Variants in CCDC57 observed in about 807,000 individuals in gnomAD.
The protein encoded by CCDC57 is coiled-coil domain containing 57.
In CCDC57, 118 loss-of-function variants were observed where a neutral mutation model predicts 118.9. That is an observed-to-expected ratio of 0.99 (90% CI 0.86 to 1.16). The LOEUF (loss-of-function observed/expected upper bound fraction) is 1.16. CCDC57 is among the 50% of genes most tolerant of loss of function. CCDC57 has a pLI of 0.00. For synonymous variants in CCDC57, 527 were observed against 532.9 expected, an observed-to-expected ratio of 0.99 and a Z score of 0.15; for missense variants, 1,300 against 1,320.7, an observed-to-expected ratio of 0.98 and a Z score of 0.24.
At chr17:82,163,345 T>C (rs2043581099) in exon 14 of CCDC57, 1 of 1,613,840 alleles carries the variant, frequency 6.2e-7, no homozygotes, top group African/African-American at 1.3e-5. Flanking sequence ...TTGACCAGCT[T>C]GGGCAGACCC....
chr17:82,113,569 C>A (rs1312269749), intron 19 of CCDC57: 4 of 717,572 alleles, frequency 5.6e-6, no homozygotes, highest in Non-Finnish European at 1.0e-5. Context: ...CATTCATTCC[C>A]CCTCGCATTC....
intron 13 of CCDC57, 102 bp from the exon 13 acceptor site, chr17:82,163,459 A>G: frequency 1.4e-6 from 2 of 1,423,246 alleles, no homozygotes; most frequent in Non-Finnish European, 1.9e-6. Flanking sequence ...CCGTGAGGCC[A>G]TGGCACCAGC....
At position 82,183,499 on chromosome 17, in the gene CCDC57, G is replaced by A. The variant is rs551577319; in HGVS notation, c.1211+275C>T. Among the ~76,000 whole-genome samples the A allele has an allele frequency of 3.3e-5, 5 of 152,186 alleles. No homozygotes were observed. In the South Asian group the frequency reaches 1.0e-3, roughly 32 times the overall value. ...CACGCTTGGCAAGAGGAGATTCTTAGTGCAGAATCAAGCAGGAGCACCTTT... is the reference window on the plus strand; with the variant it reads ...CACGCTTGGCAAGAGGAGATTCTTAATGCAGAATCAAGCAGGAGCACCTTT... On this transcript the variant is annotated intron_variant, in intron 9 of 19. Transcript: ENST00000665763.
intron 19 of CCDC57, chr17:82,107,390 G>C (rs1568133329): frequency 2.1e-6 from 1 of 466,512 alleles, no homozygotes; most frequent in South Asian, 1.6e-5. Flanking sequence ...GTGGGGAGTG[G>C]CTGCCTCGAA....
chr17:82,187,754 G>A (rs1278166656), intron 8 of CCDC57, among the ~76,000 whole-genome samples: 1 of 105,302 alleles, frequency 9.5e-6, no homozygotes, highest in Non-Finnish European at 2.0e-5. Flanking sequence ...CGGGGGTTGC[G>A]GGGGGAGCTG....
intron 17 of CCDC57, among the ~76,000 whole-genome samples, chr17:82,131,782 T>C (rs1451117809): frequency 6.6e-6 from 1 of 150,396 alleles, no homozygotes; most frequent in Non-Finnish European, 1.5e-5. Context: ...TAAAAAGAAA[T>C]AAAAAAGGAA....
chr17:82,145,423 T>C (rs961929423), intron 16 of CCDC57, among the ~76,000 whole-genome samples: 20 of 151,916 alleles, frequency 1.3e-4, no homozygotes, highest in East Asian at 2.0e-4. Flanking sequence ...GGCGGGCGCC[T>C]GTAATACCAG....
chr17:82,191,307 T>C (rs567404653), intron 7 of CCDC57, among the ~76,000 whole-genome samples: 3 of 151,916 alleles, frequency 2.0e-5, no homozygotes, highest in Non-Finnish European at 2.9e-5. Flanking sequence ...GAAAAGAAAC[T>C]GGCATCAGAC....
chr17:82,192,788 C>A lies in CCDC57; in HGVS notation c.851+968G>T, dbSNP rs1012803173. 6.6e-6 allele frequency among the ~76,000 whole-genome samples: 1 copy of A among 152,256 alleles called. No individual in the cohort carries two copies. Among genetic ancestry groups the A allele is most frequent in the East Asian group, 1.9e-4 (1 of 5,208 alleles). ...CCACTGCAGATCTGATTAGAAACAG[C>A]ACAGACAGTGTCCTTGAAGTTCTTC... On this transcript the variant is annotated intron_variant, in intron 7 of 19. Transcript: ENST00000665763. This position sits in a 1 kb window ranked among gnomAD's most constrained non-coding sequence, Gnocchi z 4.0.
chr17:82,101,622 G>A (rs1568124997), exon 20 of CCDC57: 2 of 1,378,478 alleles, frequency 1.5e-6, no homozygotes, highest in East Asian at 2.3e-5. Context: ...GTAGGTGAAA[G>A]CACAGGCACC....
exon 4 of CCDC57, chr17:82,198,351 A>G: frequency 6.2e-7 from 1 of 1,613,618 alleles, no homozygotes. Flanking sequence ...GAGCTCCTCA[A>G]GTTTTCTCTC....
chr17:82,161,288 C>T (rs994734639), intron 14 of CCDC57, among the ~76,000 whole-genome samples: 6 of 152,086 alleles, frequency 3.9e-5, no homozygotes, highest in East Asian at 3.9e-4. Flanking sequence ...GAAAACAGTG[C>T]GGTGGCTCCT....
At position 82,173,239 on chromosome 17, in the gene CCDC57, G is replaced by A. The variant is rs140100837; in HGVS notation, c.1507-379C>T. ...GATGGCTGCACCTCCGTGTGAATGC[G>A]CTTCATGCTGCTGAACTGTGTGCAC... On this transcript the variant is annotated intron_variant, in intron 11 of 19. Coordinates refer to ENST00000665763, the Ensembl canonical transcript of CCDC57. Among the ~76,000 whole-genome samples, 426 of 152,200 alleles carry A rather than the reference G, an allele frequency of 2.8e-3. 2 individuals carry two copies. Among genetic ancestry groups the A allele is most frequent in the African/African-American group, 9.9e-3 (409 of 41,512 alleles).
intron 19 of CCDC57, among the ~76,000 whole-genome samples, chr17:82,114,669 G>A (rs938510825): frequency 1.3e-5 from 2 of 152,076 alleles, no homozygotes; most frequent in South Asian, 2.1e-4. Flanking sequence ...TCTCAGTGGC[G>A]AGGTGTGGGA....
At chr17:82,178,498 A>G in exon 11 of CCDC57, 1 of 1,613,468 alleles carries the variant, frequency 6.2e-7, no homozygotes. Context: ...TGGGGAGCCC[A>G]TGCATCCTCA....
At chr17:82,193,321 C>A (rs558111850) in intron 7 of CCDC57, among the ~76,000 whole-genome samples, 2 of 152,056 alleles carry the variant, frequency 1.3e-5, no homozygotes, top group South Asian at 4.1e-4. Context: ...AGGAGGTGGG[C>A]GGGTCATTTG....
At chr17:82,147,693 G>GTGGA (rs748553457) in intron 16 of CCDC57, among the ~76,000 whole-genome samples, 1 of 118,560 alleles carries the variant, frequency 8.4e-6, no homozygotes, top group Non-Finnish European at 1.8e-5. Flanking sequence ...GAATGGGTGG[G>GTGGA]TGGATGGATG....
exon 20 of CCDC57, chr17:82,101,658 G>A (rs75249454): frequency 6.4e-7 from 1 of 1,557,030 alleles, no homozygotes; most frequent in African/African-American, 1.4e-5. Context: ...GCACCCCTTA[G>A]TGGGGCGGGG....
At chr17:82,102,143 T>C (rs1027774456) in intron 19 of CCDC57, among the ~76,000 whole-genome samples, 1 of 152,170 alleles carries the variant, frequency 6.6e-6, no homozygotes, top group Non-Finnish European at 1.5e-5. Context: ...AAAATGGTCC[T>C]GTTGTGACCA....
Sources: gnomAD v4.1 joint callset for allele counts (sites outside exome capture counted in the v4.1 genomes callset) on GRCh38, gnomAD v4.1.1 for gene constraint, Gnocchi (gnomAD v3.1) non-coding constraint, MANE v1.5 for transcripts, NCBI Gene and HGNC (gene_info 2026-07-23, HGNC 2026-07-21) for gene names.